Variants in RBM33 observed in about 807,000 individuals in gnomAD.
RBM33 encodes RNA-binding protein 33.
RBM33 carries 28 observed loss-of-function variants against 132.6 expected under a neutral mutation model. That is an observed-to-expected ratio of 0.21 (90% confidence interval 0.16 to 0.29). The LOEUF (loss-of-function observed/expected upper bound fraction) is 0.29. Among genes scored for constraint, RBM33 ranks in the 10% least tolerant of loss-of-function variants. RBM33 has a pLI of 1.00. For missense variants in RBM33, 1,291 were observed against 1,518.5 expected (o/e 0.85, Z 2.49); for synonymous variants, 634 against 593.0 (o/e 1.07, Z -1.01).
In RBM33 at chr7:155,737,566, GTTCCCA is replaced by G; in HGVS notation, c.1298_1303del (p.Val433_Asn435delinsAsp). 1 of 1,613,208 alleles carries G rather than the reference GTTCCCA, an allele frequency of 6.2e-7. No individual in the cohort carries two copies. The highest frequency in any genetic ancestry group is 8.5e-7 in the Non-Finnish European group (1 of 1,179,664). On this transcript the variant is annotated inframe_deletion, in exon 10 of 18. Transcript: ENST00000401878. ...ATTTCCACAGCATACACCTGGACCT[GTTCCCA>G]ACAGTTTCAGCCAGCCCCCACGACT...
chr7:155,675,833 C>T (rs1292897453), intron 3 of RBM33, among the ~76,000 whole-genome samples: 1 of 152,192 alleles, frequency 6.6e-6, no homozygotes, highest in East Asian at 1.9e-4. Context: ...GTTTGATCCA[C>T]TTATGTTCCT....
chr7:155,698,849 C>T (rs1444655444), intron 5 of RBM33, among the ~76,000 whole-genome samples: 4 of 152,146 alleles, frequency 2.6e-5, no homozygotes, highest in Non-Finnish European at 5.9e-5. Context: ...TGTCAATAGA[C>T]CTATTGCGAA....
intron 1 of RBM33, among the ~76,000 whole-genome samples, chr7:155,655,387 A>C (rs1016537813): frequency 1.3e-5 from 2 of 152,084 alleles, no homozygotes; most frequent in African/African-American, 4.8e-5. Context: ...CCTATTAATA[A>C]AACACTTCTT....
rs547228532 is a variant in RBM33, at chr7:155,674,788, T to G, written c.171+1873T>G. Among the ~76,000 whole-genome samples the G allele has an allele frequency of 7.2e-5, 11 of 152,322 alleles. No homozygotes were observed. In the South Asian group the frequency reaches 2.3e-3, roughly 32 times the overall value. On this transcript the variant is annotated intron_variant, in intron 3 of 17. Coordinates refer to ENST00000401878, the MANE Select transcript of RBM33 (RefSeq NM_053043.3). ...CATTCCGACGCCTCAGTGGAGGGGC[T>G]GTATCTGCTTTGGACATTTTGGAAG... is the stretch of plus-strand genomic sequence containing the variant.
At chr7:155,685,541 A>G (rs963516208) in intron 5 of RBM33, among the ~76,000 whole-genome samples, 2 of 152,188 alleles carry the variant, frequency 1.3e-5, no homozygotes, top group Non-Finnish European at 2.9e-5. Flanking sequence ...AAAACCTCCC[A>G]AGAGAGGCTC....
chr7:155,769,678 A>T (rs1802348768), intron 16 of RBM33, among the ~76,000 whole-genome samples: 2 of 152,252 alleles, frequency 1.3e-5, no homozygotes, highest in African/African-American at 4.8e-5. Flanking sequence ...CACCGAGAAG[A>T]CAGCCCCTTT....
At chr7:155,744,201 A>G (rs10226744) in intron 13 of RBM33, among the ~76,000 whole-genome samples, 26,804 of 152,170 alleles carry the variant, frequency 0.18, 2,414 homozygotes, top group East Asian at 0.28. Context: ...TTTTACACGG[A>G]GTCTGTGGAT....
At chr7:155,660,315 C>T (rs1798606150) in intron 1 of RBM33, among the ~76,000 whole-genome samples, 1 of 152,204 alleles carries the variant, frequency 6.6e-6, no homozygotes, top group South Asian at 2.1e-4. Flanking sequence ...CCTCAAGCGA[C>T]TACCTTGGCC....
chr7:155,664,145 G>A (rs1018401386), intron 1 of RBM33, among the ~76,000 whole-genome samples: 18 of 152,156 alleles, frequency 1.2e-4, no homozygotes, highest in African/African-American at 4.3e-4. Flanking sequence ...GATGAGAGAT[G>A]TGCTGTGTGT....
chr7:155,658,354 G>A (rs530082529), intron 1 of RBM33, among the ~76,000 whole-genome samples: 2 of 150,184 alleles, frequency 1.3e-5, no homozygotes, highest in African/African-American at 4.9e-5. Context: ...TGGGTCTAAA[G>A]TGAGTCTCTA....
chr7:155,722,318 A>G (rs1800652688), intron 9 of RBM33, among the ~76,000 whole-genome samples: 2 of 152,276 alleles, frequency 1.3e-5, no homozygotes, highest in East Asian at 3.9e-4. Flanking sequence ...CCATTTAATG[A>G]ACACATTTTT....
intron 14 of RBM33, among the ~76,000 whole-genome samples, chr7:155,755,913 A>G (rs1287529719): frequency 6.6e-6 from 1 of 152,118 alleles, no homozygotes; most frequent in Non-Finnish European, 1.5e-5. Context: ...AAAAAAAACT[A>G]GTCTAAAAAG....
intron 16 of RBM33, among the ~76,000 whole-genome samples, chr7:155,767,265 C>T (rs988830927): frequency 1.3e-5 from 2 of 152,228 alleles, no homozygotes; most frequent in African/African-American, 2.4e-5. Context: ...GCTGACCCAG[C>T]GAAGAAGCTA....
chr7:155,723,749 A>C (rs1306836666), intron 9 of RBM33, among the ~76,000 whole-genome samples: 1 of 152,202 alleles, frequency 6.6e-6, no homozygotes, highest in Non-Finnish European at 1.5e-5. Context: ...CCTTGAAATC[A>C]CATAAAATTG....
At chr7:155,707,937 G>A (rs531857736) in intron 7 of RBM33, among the ~76,000 whole-genome samples, 2 of 152,336 alleles carry the variant, frequency 1.3e-5, no homozygotes, top group South Asian at 4.1e-4. Flanking sequence ...TGGGATTACG[G>A]GCGTGAGCCA....
At chr7:155,754,585 G>C (rs1311480346) in intron 14 of RBM33, among the ~76,000 whole-genome samples, 1 of 152,222 alleles carries the variant, frequency 6.6e-6, no homozygotes, top group Non-Finnish European at 1.5e-5. Flanking sequence ...GTCGAAATTG[G>C]AGAATCCTGG....
intron 14 of RBM33, among the ~76,000 whole-genome samples, chr7:155,749,234 TG>T (rs1801619179): frequency 6.6e-6 from 1 of 152,226 alleles, no homozygotes; most frequent in Non-Finnish European, 1.5e-5. Context: ...CCATTTTCTT[TG>T]TAGAATGCTT....
intron 9 of RBM33, among the ~76,000 whole-genome samples, chr7:155,722,058 T>G (rs1474199416): frequency 2.0e-5 from 3 of 152,244 alleles, no homozygotes; most frequent in Non-Finnish European, 4.4e-5. Flanking sequence ...GGCTTCCATT[T>G]AAAAATTAGA....
intron 16 of RBM33, among the ~76,000 whole-genome samples, chr7:155,769,016 C>T (rs1802318137): frequency 6.6e-6 from 1 of 152,184 alleles, no homozygotes; most frequent in Non-Finnish European, 1.5e-5. Flanking sequence ...TAGTGTTTTA[C>T]TTCCTTAAAC....
Sources: gnomAD v4.1 joint callset for allele counts (sites outside exome capture counted in the v4.1 genomes callset) on GRCh38, gnomAD v4.1.1 for gene constraint, MANE v1.5 for transcripts, NCBI Gene and HGNC (gene_info 2026-07-23, HGNC 2026-07-21) for gene names.